Variants in GATD1 observed in about 807,000 individuals in gnomAD.
GATD1 encodes the protein glutamine amidotransferase-like class 1 domain-containing protein 1.
In GATD1, 23 loss-of-function variants were observed where a neutral mutation model predicts 25.9. The ratio of observed to expected loss-of-function variants is 0.89; its 90% CI spans 0.64 to 1.26. The LOEUF (loss-of-function observed/expected upper bound fraction) is 1.26, where lower values mean the gene tolerates loss of function less well. Among genes scored for constraint, GATD1 ranks in the 50% most tolerant of loss-of-function variants. The probability of loss-of-function intolerance (pLI) is 0.00; values close to 1 mark genes in which losing one functional copy is unlikely to be tolerated. For missense variants in GATD1, 347 were observed against 312.5 expected, an observed-to-expected ratio of 1.11 and a Z score of -0.83; for synonymous variants, 177 against 134.6, an observed-to-expected ratio of 1.31 and a Z score of -2.18.
Position 775,084 on chromosome 11 carries a change from C to T in GATD1, c.123G>A (p.Leu41=). 1 of 1,604,744 alleles carries T rather than the reference C, an allele frequency of 6.2e-7. No homozygotes were observed. The highest frequency in any genetic ancestry group is 8.5e-7 in the Non-Finnish European group (1 of 1,176,874). ...CFTMASTAFN[L]QVATPGGKAM... Reference sequence around the variant, plus strand: ...GACTTACCCCAGGGGTGGCCACCTGCAGGTTGAAGGCGGTGCTGGCCATCG... The same window carrying T: ...GACTTACCCCAGGGGTGGCCACCTGTAGGTTGAAGGCGGTGCTGGCCATCG... Residue 41 remains leucine, a synonymous_variant, in exon 2 of 8, where the codon CTG becomes CTA. Transcript: ENST00000319863.
intron 2 of GATD1, 61 bp downstream of exon 2, chr11:775,000 ACCTTG>A: frequency 1.4e-6 from 2 of 1,451,098 alleles, no homozygotes; most frequent in Non-Finnish European, 1.9e-6. Context: ...CAGTCTCCTG[ACCTTG>A]CCCCCGGAGA....
chr11:777,037 A>T (rs919298918), intron 1 of GATD1: 17 of 179,128 alleles, frequency 9.5e-5, no homozygotes, highest in African/African-American at 3.8e-4. Context: ...CTCGCAGCGC[A>T]GCGGCCTCAG....
At chr11:773,441 A>T in intron 4 of GATD1, 81 bp downstream of exon 4, 1 of 1,191,268 alleles carries the variant, frequency 8.4e-7, no homozygotes, top group Non-Finnish European at 1.2e-6. Flanking sequence ...GAGTCTTCCC[A>T]CCTCTCTTCT....
Position 767,480 on chromosome 11 carries a change from G to A in GATD1, c.*3417C>T, listed in dbSNP as rs1863119993. On this transcript the variant is annotated 3_prime_UTR_variant, in exon 8 of 8. Transcript: ENST00000319863. ...CTGCAGGCAGCTCACGCGGAGACAG[G>A]TCTGTGGGGCCCCGCGTCAGAACCC... The A allele has an allele frequency of 2.1e-6, 3 of 1,440,516 alleles. No individual in the cohort carries two copies. The highest frequency in any genetic ancestry group is 1.4e-5 in the African/African-American group (1 of 69,860). 89.2% of individuals were successfully genotyped at this position (1,440,516 alleles called of 1,614,324 possible).
Position 777,470 on chromosome 11 carries a change from G to T in GATD1, c.-8C>A. On this transcript the variant is annotated 5_prime_UTR_variant, in exon 1 of 8. Coordinates refer to ENST00000319863, the MANE Select transcript of GATD1 (RefSeq NM_182612.4). ...GAGCCGCTCGGACGCCATGGCTCGG[G>T]CTCGGCGCTGGGTCTGCGCGTGCGC... 1.6e-6 allele frequency: 2 copies of T among 1,232,572 alleles called. No individual in the cohort carries two copies. Among genetic ancestry groups the T allele is most frequent in the South Asian group, 2.9e-5 (1 of 34,928 alleles). The allele number at this position is 1,232,572 out of a possible 1,614,324, so 76.4% of individuals were successfully genotyped here. A position where few individuals can be genotyped will look rare whatever the true frequency, so the allele number is the denominator to read the frequency against.
rs543678723 is a variant in GATD1 at position 769,168 on chromosome 11, C to T, written c.*1729G>A. On this transcript the variant is annotated 3_prime_UTR_variant, in exon 8 of 8. Coordinates refer to ENST00000319863, the MANE Select transcript of GATD1 (RefSeq NM_182612.4). ...ATCACCACACGGGGATGAGAGTGGACCCGGGACAGAGCAAGGCCCCGTGGC... is the reference window on the plus strand; with the variant it reads ...ATCACCACACGGGGATGAGAGTGGATCCGGGACAGAGCAAGGCCCCGTGGC... 1.0e-6 allele frequency: 1 copy of T among 985,366 alleles called. No homozygotes were observed. Among genetic ancestry groups the T allele is most frequent in the Non-Finnish European group, 1.2e-6 (1 of 829,940 alleles). 61.0% of individuals were successfully genotyped at this position (985,366 alleles called of 1,614,324 possible).
intron 1 of GATD1, 150 bp from the exon 2 acceptor site, chr11:775,292 C>G: frequency 1.6e-6 from 1 of 618,166 alleles, no homozygotes; most frequent in Non-Finnish European, 2.7e-6. Flanking sequence ...ACTTGAAGCC[C>G]TGGGGCAGGG....
chr11:777,370 G>A, intron 1 of GATD1, 29 bp downstream of exon 1: 1 of 1,290,484 alleles, frequency 7.7e-7, no homozygotes, highest in Non-Finnish European at 9.8e-7. Flanking sequence ...GACGCTCTTC[G>A]GACACTGGCC....
In GATD1 at chr11:769,260, T is replaced by A; in HGVS notation, c.*1637A>T. ...AGGGACGCAGCCTTCAGGGCGGGGATGTGGCTGCAGCGCTTCCTTCTTCCA... is the reference window on the plus strand; with the variant it reads ...AGGGACGCAGCCTTCAGGGCGGGGAAGTGGCTGCAGCGCTTCCTTCTTCCA... On this transcript the variant is annotated 3_prime_UTR_variant, in exon 8 of 8. Transcript: ENST00000319863. The A allele has an allele frequency of 1.0e-6, 1 of 985,492 alleles. No individual in the cohort carries two copies. Among genetic ancestry groups the A allele is most frequent in the Non-Finnish European group, 1.2e-6 (1 of 829,952 alleles). The allele number at this position is 985,492 out of a possible 1,614,324, so 61.0% of individuals were successfully genotyped here.
chr11:770,022 G>C lies in GATD1; in HGVS notation c.*875C>G. On this transcript the variant is annotated 3_prime_UTR_variant, in exon 8 of 8. Transcript: ENST00000319863. ...GTGGCTGAGACGGGGAGGTGGGCAG[G>C]AAGAAGGCCTTCGATGGCTCAAACT... is the stretch of plus-strand genomic sequence containing the variant. 1 of 1,090,270 alleles carries C rather than the reference G, an allele frequency of 9.2e-7. No homozygotes were observed. Among genetic ancestry groups the C allele is most frequent in the South Asian group, 4.5e-5 (1 of 22,318 alleles). 67.5% of individuals were successfully genotyped at this position (1,090,270 alleles called of 1,614,324 possible).
intron 1 of GATD1, among the ~76,000 whole-genome samples, chr11:775,448 G>A (rs1237420280): frequency 6.6e-6 from 1 of 152,230 alleles, no homozygotes; most frequent in African/African-American, 2.4e-5. Context: ...GTCACCTCCA[G>A]CCTCAGCCAG....
intron 4 of GATD1, among the ~76,000 whole-genome samples, chr11:772,982 G>A (rs11823172): frequency 0.24 from 36,953 of 152,172 alleles, 4,881 homozygotes; most frequent in African/African-American, 0.35. Flanking sequence ...CCATCCGAAA[G>A]GCTGAGTGTG....
chr11:770,242 C>A lies in GATD1; in HGVS notation c.*655G>T. On this transcript the variant is annotated 3_prime_UTR_variant, in exon 8 of 8. Coordinates refer to ENST00000319863, the MANE Select transcript of GATD1 (RefSeq NM_182612.4). ...ACAGCACTTTCCTATCATTGAGAAT[C>A]TCATGGTCTCATATTCACAAGTAAA... 1 of 1,406,786 alleles carries A rather than the reference C, an allele frequency of 7.1e-7. No homozygotes were observed. Among genetic ancestry groups the A allele is most frequent in the South Asian group, 1.6e-5 (1 of 63,940 alleles). The allele number at this position is 1,406,786 out of a possible 1,614,324, so 87.1% of individuals were successfully genotyped here.
At position 771,346 on chromosome 11, in the gene GATD1, G is replaced by A. The variant is rs772337284; in HGVS notation, c.531C>T (p.Gly177=). 1.2e-5 allele frequency: 19 copies of A among 1,597,882 alleles called. No homozygotes were observed. Among genetic ancestry groups the A allele is most frequent in the Middle Eastern group, 1.7e-4 (1 of 5,982 alleles). ...CTCGAGGCTCACCACTGAAGCAGGCGCCCGAATCCTTCACGAAGTCCTCCA... is the reference window on the plus strand; with the variant it reads ...CTCGAGGCTCACCACTGAAGCAGGCACCCGAATCCTTCACGAAGTCCTCCA... ...LVVEDFVKDS[G]ACFSASEPDA... Residue 177 remains glycine, a synonymous_variant, in exon 6 of 8, where the codon GGC becomes GGT. Coordinates refer to ENST00000319863, the MANE Select transcript of GATD1 (RefSeq NM_182612.4).
chr11:772,963 A>G (rs1347512898), intron 4 of GATD1, among the ~76,000 whole-genome samples: 1 of 152,220 alleles, frequency 6.6e-6, no homozygotes, highest in Non-Finnish European at 1.5e-5. Context: ...CAGTGGGGAC[A>G]TCCTGGCTCC....
At chr11:775,801 C>T (rs968949541) in intron 1 of GATD1, among the ~76,000 whole-genome samples, 1 of 152,142 alleles carries the variant, frequency 6.6e-6, no homozygotes, top group Non-Finnish European at 1.5e-5. Context: ...CAACACACCA[C>T]ACCCAATCCA....
rs1416934362 is a variant in GATD1, at chr11:770,678, C to G, written c.*219G>C. Reference sequence around the variant, plus strand: ...CGTGGGGTCTTTTCTCTGCCTCCTACCAGAGAACATGCAGGAGGATGGGGG... The same window carrying G: ...CGTGGGGTCTTTTCTCTGCCTCCTAGCAGAGAACATGCAGGAGGATGGGGG... On this transcript the variant is annotated 3_prime_UTR_variant, in exon 8 of 8. Coordinates refer to ENST00000319863, the MANE Select transcript of GATD1 (RefSeq NM_182612.4). 1.1e-5 allele frequency: 15 copies of G among 1,423,306 alleles called. No homozygotes were observed. Among genetic ancestry groups the G allele is most frequent in the Non-Finnish European group, 1.3e-5 (14 of 1,092,440 alleles). The allele number at this position is 1,423,306 out of a possible 1,614,324, so 88.2% of individuals were successfully genotyped here.
rs1863294469 is a variant in GATD1 at position 770,013 on chromosome 11, G to A, written c.*884C>T. The A allele has an allele frequency of 9.3e-7, 1 of 1,073,790 alleles. No individual in the cohort carries two copies. The highest frequency in any genetic ancestry group is 1.1e-6 in the Non-Finnish European group (1 of 887,740). The allele number at this position is 1,073,790 out of a possible 1,614,324, so 66.5% of individuals were successfully genotyped here. A position where few individuals can be genotyped will look rare whatever the true frequency, so the allele number is the denominator to read the frequency against. On this transcript the variant is annotated 3_prime_UTR_variant, in exon 8 of 8. Coordinates refer to ENST00000319863, the MANE Select transcript of GATD1 (RefSeq NM_182612.4). ...GGAACGGCTGTGGCTGAGACGGGGAGGTGGGCAGGAAGAAGGCCTTCGATG... is the reference window on the plus strand; with the variant it reads ...GGAACGGCTGTGGCTGAGACGGGGAAGTGGGCAGGAAGAAGGCCTTCGATG...
intron 2 of GATD1, among the ~76,000 whole-genome samples, chr11:774,779 G>A (rs1413380412): frequency 1.3e-5 from 2 of 152,044 alleles, no homozygotes; most frequent in African/African-American, 2.4e-5. Flanking sequence ...GTGGTGAGCC[G>A]AGATCGCACC....
Sources: allele counts gnomAD v4.1 joint callset (sites outside exome capture counted in the v4.1 genomes callset), GRCh38; gene constraint gnomAD v4.1.1; transcripts MANE v1.5; gene names NCBI Gene and HGNC (gene_info 2026-07-23, HGNC 2026-07-21).